Variants in GNS observed in about 807,000 individuals in gnomAD.
The protein encoded by GNS is N-acetylglucosamine-6-sulfatase.
In GNS, 40 loss-of-function variants were observed where a neutral mutation model predicts 69.7. That is an observed-to-expected ratio of 0.57 (90% CI 0.45 to 0.75). The LOEUF is 0.75. Among genes scored for constraint, GNS ranks in the 30% least tolerant of loss-of-function variants. The probability of loss-of-function intolerance (pLI) is 0.00; values close to 1 mark genes in which losing one functional copy is unlikely to be tolerated. For missense variants in GNS, 565 were observed against 685.5 expected (o/e 0.82, Z 1.96); for synonymous variants, 243 against 251.6 (o/e 0.97, Z 0.32).
At chr12:64,740,532 G>A (rs1443511525) in intron 7 of GNS, 74 bp downstream of exon 7, 1 of 826,684 alleles carries the variant, frequency 1.2e-6, no homozygotes, top group Non-Finnish European at 2.2e-6. Flanking sequence ...ACAATGTGGT[G>A]TGGTCTCCTC....
At chr12:64,741,026 A>G (rs1353253947) in intron 6 of GNS, among the ~76,000 whole-genome samples, 2 of 152,104 alleles carry the variant, frequency 1.3e-5, no homozygotes, top group African/African-American at 2.4e-5. Context: ...CTCTGATCTT[A>G]TGCCTTTGGT....
rs1868978654 is a variant in GNS at position 64,720,113 on chromosome 12, G to C, written c.1489C>G (p.Pro497Ala). ...QITNIAKTID[P>A]ELLGKMNYRL... is the part of the protein sequence containing the mutation. ...TAGTTCATCTTTCCTAAAAGCTCTGGGTCTATGGTTTTAGCAATGTTAGTG... is the reference window on the plus strand; with the variant it reads ...TAGTTCATCTTTCCTAAAAGCTCTGCGTCTATGGTTTTAGCAATGTTAGTG... Residue 497 changes from proline (P) to alanine (A), a missense_variant, in exon 13 of 14, where the codon CCA becomes GCA. Coordinates refer to ENST00000258145, the MANE Select transcript of GNS (RefSeq NM_002076.4). 1.9e-6 allele frequency: 3 copies of C among 1,605,778 alleles called. No homozygotes were observed. Among genetic ancestry groups the C allele is most frequent in the Non-Finnish European group, 2.6e-6 (3 of 1,172,430 alleles).
At chr12:64,728,238 G>T (rs753243662) in intron 10 of GNS, among the ~76,000 whole-genome samples, 1 of 152,158 alleles carries the variant, frequency 6.6e-6, no homozygotes, top group Non-Finnish European at 1.5e-5. Context: ...CACTTTAAAT[G>T]AGTGAATTGT....
intron 1 of GNS, chr12:64,756,821 C>T (rs749879453): frequency 2.3e-5 from 20 of 879,552 alleles, no homozygotes; most frequent in African/African-American, 3.4e-5. Context: ...ATGCCCTCCA[C>T]TCAATTTTGG....
intron 12 of GNS, among the ~76,000 whole-genome samples, 156 bp downstream of exon 12, chr12:64,721,439 C>T (rs1869024344): frequency 1.3e-5 from 2 of 152,136 alleles, no homozygotes; most frequent in African/African-American, 4.8e-5. Flanking sequence ...TGAGACATGG[C>T]CTTACAACTG....
Position 64,752,770 on chromosome 12 carries a change from G to A in GNS, c.193-13C>T, listed in dbSNP as rs773596876. 1.5e-6 allele frequency: 2 copies of A among 1,310,096 alleles called. No homozygotes were observed. Among genetic ancestry groups the A allele is most frequent in the South Asian group, 2.4e-5 (2 of 84,124 alleles). The allele number at this position is 1,310,096 out of a possible 1,614,324, so 81.2% of individuals were successfully genotyped here. On this transcript the variant is annotated splice_polypyrimidine_tract_variant and intron_variant, in intron 1 of 13. Coordinates refer to ENST00000258145, the MANE Select transcript of GNS (RefSeq NM_002076.4). ...TCTTTAGCGGTGTCTGTAAAAGTAA[G>A]TAATTATCCATTAAACAATTTCTTC...
intron 10 of GNS, among the ~76,000 whole-genome samples, chr12:64,723,437 G>A (rs1396591809): frequency 2.6e-5 from 4 of 152,208 alleles, no homozygotes; most frequent in African/African-American, 7.2e-5. Context: ...TGAAAGTCCA[G>A]ACTAGAATAA....
rs555858119 is a variant in GNS at position 64,749,646 on chromosome 12, AT to A, written c.253-1729del. On this transcript the variant is annotated intron_variant, in intron 2 of 13. Transcript: ENST00000258145. ...AACGGTTTGTTCATATGCTTTGCTCATTTTTTTCCCCCAGGGCTGTCGGCCT... is the reference window on the plus strand; with the variant it reads ...AACGGTTTGTTCATATGCTTTGCTCATTTTTTCCCCCAGGGCTGTCGGCCT... 1.8e-4 allele frequency among the ~76,000 whole-genome samples: 28 copies of A among 152,150 alleles called. No homozygotes were observed. The South Asian group carries it at 4.1e-3, about 23-fold the overall frequency.
chr12:64,742,344 C>T (rs1309220354), intron 6 of GNS, among the ~76,000 whole-genome samples: 1 of 152,210 alleles, frequency 6.6e-6, no homozygotes, highest in Non-Finnish European at 1.5e-5. Flanking sequence ...AAACACAGTT[C>T]ACTCAGCTTT....
At chr12:64,758,510 A>C (rs1258678268) in intron 1 of GNS, among the ~76,000 whole-genome samples, 12 of 151,998 alleles carry the variant, frequency 7.9e-5, no homozygotes, top group Non-Finnish European at 8.8e-5. Flanking sequence ...TTTCTAGTAG[A>C]GACGGGGTTT....
At position 64,758,309 on chromosome 12, in the gene GNS, C is replaced by CTTT. The variant is rs139394351; in HGVS notation, c.192+773_192+775dup. 5.3e-3 allele frequency among the ~76,000 whole-genome samples: 358 copies of CTTT among 67,410 alleles called. 42 individuals are homozygous for CTTT. The highest frequency in any genetic ancestry group is 0.012 in the Middle Eastern group (1 of 82). 44.2% of individuals were successfully genotyped at this position (67,410 alleles called of 152,430 possible). The stretch of plus-strand genomic sequence containing the variant: ...CCTACCAGATTAGTTCACTTCAGGC[C>CTTT]TTTTTTTTTTTTTTTTTTTTTTTTT... On this transcript the variant is annotated intron_variant, in intron 1 of 13. Transcript: ENST00000258145.
At chr12:64,748,105 T>A (rs988687903) in intron 2 of GNS, among the ~76,000 whole-genome samples, 187 bp from the exon 3 acceptor site, 3 of 152,218 alleles carry the variant, frequency 2.0e-5, no homozygotes, top group Admixed American at 2.0e-4. Context: ...GTGGAGACAT[T>A]AAAGCAGACA....
intron 9 of GNS, among the ~76,000 whole-genome samples, chr12:64,734,258 C>A (rs1869492846): frequency 6.6e-6 from 1 of 152,210 alleles, no homozygotes; most frequent in Admixed American, 6.5e-5. Flanking sequence ...TCCATTCAAC[C>A]AATGTGGATG....
chr12:64,738,104 G>A (rs1269311725), intron 8 of GNS, among the ~76,000 whole-genome samples: 3 of 151,894 alleles, frequency 2.0e-5, no homozygotes, highest in South Asian at 4.1e-4. Context: ...CTGCCTCCTG[G>A]GTTCAAGAGA....
chr12:64,720,575 G>A (rs1868995874), intron 12 of GNS, among the ~76,000 whole-genome samples: 1 of 152,212 alleles, frequency 6.6e-6, no homozygotes, highest in Non-Finnish European at 1.5e-5. Context: ...AAGTGAGAGC[G>A]AATATTTAAA....
intron 9 of GNS, among the ~76,000 whole-genome samples, chr12:64,732,529 T>C (rs1207994844): frequency 1.4e-5 from 2 of 145,350 alleles, no homozygotes; most frequent in South Asian, 2.2e-4. Flanking sequence ...GGTGTGATCT[T>C]GGCTCACTGC....
At chr12:64,756,703 T>A in intron 1 of GNS, 1 of 1,433,910 alleles carries the variant, frequency 7.0e-7, no homozygotes, top group Non-Finnish European at 9.5e-7. Context: ...AATGCTCTTG[T>A]CCTAGCTCTT....
chr12:64,755,417 GA>G (rs781405539), intron 1 of GNS, among the ~76,000 whole-genome samples: 18 of 151,430 alleles, frequency 1.2e-4, no homozygotes, highest in Non-Finnish European at 2.7e-4. Context: ...GTCTCTACTA[GA>G]AATACAAAAA....
intron 10 of GNS, among the ~76,000 whole-genome samples, chr12:64,728,552 C>T (rs11175529): frequency 1.3e-5 from 2 of 152,350 alleles, no homozygotes; most frequent in East Asian, 3.9e-4. Flanking sequence ...TAAAGCATTT[C>T]TGTGATTAGC....
Sources: gnomAD v4.1 joint callset for allele counts (sites outside exome capture counted in the v4.1 genomes callset) on GRCh38, gnomAD v4.1.1 for gene constraint, MANE v1.5 for transcripts, NCBI Gene and HGNC (gene_info 2026-07-23, HGNC 2026-07-21) for gene names.